The following PPP3CA variants were observed in gnomAD, a reference collection of about 807,000 sequenced individuals.
PPP3CA encodes protein phosphatase 3 catalytic subunit alpha, also known as CAM-PRP catalytic subunit.
In PPP3CA, 14 loss-of-function variants were observed where a neutral mutation model predicts 66.5. The observed-to-expected ratio is 0.21, with a 90% CI of 0.14 to 0.33. The LOEUF (loss-of-function observed/expected upper bound fraction) is 0.33. Ranked by LOEUF, PPP3CA falls within the 10% of genes least tolerant of loss-of-function variation. PPP3CA has a pLI of 1.00. For synonymous variants in PPP3CA, 232 were observed against 226.2 expected (o/e 1.03, Z -0.23); for missense variants, 317 against 639.5 (o/e 0.50, Z 5.44).
chr4:101,106,450 A>AAAGAAAGAAAGAAAGAAAGAAGAG lies in PPP3CA; in HGVS notation c.384+2503_384+2504insCTCTTCTTTCTTTCTTTCTTTCTT, dbSNP rs751759518. 8.1e-4 allele frequency among the ~76,000 whole-genome samples: 9 copies of AAAGAAAGAAAGAAAGAAAGAAGAG among 11,094 alleles called. 1 individual carries two copies. Among genetic ancestry groups the AAAGAAAGAAAGAAAGAAAGAAGAG allele is most frequent in the Admixed American group, 3.4e-3 (3 of 886 alleles). The allele number at this position is 11,094 out of a possible 152,430, so 7.3% of individuals were successfully genotyped here. ...GAAAGAAAGAAAGAAAGAAAGAAAGAAAGAGAAAAGAAAAGAAAAGAAAAG... is the reference window on the plus strand; with the variant it reads ...GAAAGAAAGAAAGAAAGAAAGAAAGAAAGAAAGAAAGAAAGAAAGAAGAGAAGAGAAAAGAAAAGAAAAGAAAAG... On this transcript the variant is annotated intron_variant, in intron 3 of 13. Coordinates refer to ENST00000394854, the MANE Select transcript of PPP3CA (RefSeq NM_000944.5).
At chr4:101,307,280 A>C (rs967262314) in intron 1 of PPP3CA, among the ~76,000 whole-genome samples, 7 of 151,912 alleles carry the variant, frequency 4.6e-5, no homozygotes, top group African/African-American at 1.7e-4. Flanking sequence ...CCCTAGCTCC[A>C]CTTGTGATTA....
chr4:101,109,897 C>G (rs886937622), intron 2 of PPP3CA, among the ~76,000 whole-genome samples: 1 of 151,984 alleles, frequency 6.6e-6, no homozygotes. Context: ...ACTTTCAGAA[C>G]TCTAAAAATA....
chr4:101,334,858 G>A (rs1330891425), intron 1 of PPP3CA, among the ~76,000 whole-genome samples: 2 of 151,958 alleles, frequency 1.3e-5, no homozygotes, highest in East Asian at 3.9e-4. Context: ...GAAACACTAG[G>A]ATAAACAAAT....
intron 1 of PPP3CA, among the ~76,000 whole-genome samples, chr4:101,310,360 G>T (rs1267280626): frequency 6.6e-6 from 1 of 152,094 alleles, no homozygotes; most frequent in Non-Finnish European, 1.5e-5. Context: ...AGTGATACTT[G>T]TATCTTGCAA....
At chr4:101,092,310 AT>A (rs1729988871) in intron 6 of PPP3CA, among the ~76,000 whole-genome samples, 1 of 152,208 alleles carries the variant, frequency 6.6e-6, no homozygotes, top group African/African-American at 2.4e-5. Flanking sequence ...GAATTAAATG[AT>A]TGATTTAACC....
intron 1 of PPP3CA, among the ~76,000 whole-genome samples, chr4:101,325,242 A>G (rs1729174126): frequency 1.3e-5 from 2 of 152,228 alleles, no homozygotes; most frequent in African/African-American, 4.8e-5. Flanking sequence ...ACTTTAATAT[A>G]CATATAAATC....
At chr4:101,291,972 A>T (rs1359480299) in intron 1 of PPP3CA, among the ~76,000 whole-genome samples, 1 of 152,058 alleles carries the variant, frequency 6.6e-6, no homozygotes, top group Non-Finnish European at 1.5e-5. Context: ...TTACAAAAAT[A>T]AAAAATTAAC....
chr4:101,205,769 A>G (rs917995911), intron 1 of PPP3CA, among the ~76,000 whole-genome samples: 3 of 152,226 alleles, frequency 2.0e-5, no homozygotes, highest in African/African-American at 7.2e-5. Flanking sequence ...AATGGCAAAC[A>G]TATGTCCCAA....
At chr4:101,068,527 C>G (rs1728778109) in intron 8 of PPP3CA, among the ~76,000 whole-genome samples, 1 of 151,960 alleles carries the variant, frequency 6.6e-6, no homozygotes, top group Non-Finnish European at 1.5e-5. Flanking sequence ...TCTGTATTTT[C>G]TCATAAAGAT....
Position 101,196,051 on chromosome 4 carries a change from G to A in PPP3CA, c.124C>T (p.Arg42Cys), listed in dbSNP as rs767812589. 4 of 1,613,868 alleles carry A rather than the reference G, an allele frequency of 2.5e-6. No individual in the cohort carries two copies. Among genetic ancestry groups the A allele is most frequent in the Admixed American group, 1.7e-5 (1 of 59,958 alleles). ...KEVFDNDGKPRVDILKAHLMK... is the reference protein window; with the variant it reads ...KEVFDNDGKPCVDILKAHLMK... ...AGATGCGCCTTTAAGATATCCACAC[G>A]AGGTTTTCCATCATTATCAAACACT... The change falls in exon 2 of 14, where the codon CGT becomes TGT. Residue 42 changes from arginine (R) to cysteine (C), a missense_variant. Physicochemically the swap from Arg to Cys is radical, Grantham distance 180. Coordinates refer to ENST00000394854, the MANE Select transcript of PPP3CA (RefSeq NM_000944.5).
chr4:101,300,638 A>C (rs1271840514), intron 1 of PPP3CA, among the ~76,000 whole-genome samples: 1 of 152,106 alleles, frequency 6.6e-6, no homozygotes, highest in Non-Finnish European at 1.5e-5. Flanking sequence ...CTACTAAAAA[A>C]TAGAAAAAAA....
intron 2 of PPP3CA, among the ~76,000 whole-genome samples, chr4:101,145,996 T>C (rs538449205): frequency 5.8e-4 from 88 of 152,286 alleles, no homozygotes; most frequent in African/African-American, 2.1e-3. Flanking sequence ...CAAAAAACCA[T>C]TGATTCACAG....
At chr4:101,298,610 G>A (rs1728269607) in intron 1 of PPP3CA, among the ~76,000 whole-genome samples, 1 of 151,964 alleles carries the variant, frequency 6.6e-6, no homozygotes, top group Admixed American at 6.6e-5. Flanking sequence ...CTTCCTTAAT[G>A]ATTTTCTTCG....
intron 1 of PPP3CA, among the ~76,000 whole-genome samples, chr4:101,221,946 A>C (rs1003155185): frequency 1.3e-5 from 2 of 151,564 alleles, no homozygotes; most frequent in Non-Finnish European, 3.0e-5. Flanking sequence ...ACCCAAACAC[A>C]CTTAAAAATA....
chr4:101,315,896 G>C (rs1417051259), intron 1 of PPP3CA, among the ~76,000 whole-genome samples: 1 of 152,090 alleles, frequency 6.6e-6, no homozygotes, highest in Non-Finnish European at 1.5e-5. Context: ...AAAAACCATG[G>C]TTTCGGACTG....
chr4:101,228,865 A>G (rs1020844121), intron 1 of PPP3CA, among the ~76,000 whole-genome samples: 7 of 151,702 alleles, frequency 4.6e-5, no homozygotes, highest in African/African-American at 1.7e-4. Context: ...CTCTACAAAG[A>G]TAACCTCCAC....
Position 101,273,022 on chromosome 4 carries a change from T to C in PPP3CA, c.58+73717A>G, listed in dbSNP as rs77062905. ...AAAGAACATTCTCCAGATTGACTTT[T>C]GGTCATTTGAAGTACTATAAGACCT... On this transcript the variant is annotated intron_variant, in intron 1 of 13. Transcript: ENST00000394854. Among the ~76,000 whole-genome samples the C allele has an allele frequency of 1.5e-3, 231 of 152,350 alleles. 1 individual carries two copies. In the East Asian group the frequency reaches 0.041, roughly 27 times the overall value.
intron 2 of PPP3CA, among the ~76,000 whole-genome samples, chr4:101,190,450 C>T (rs147577797): frequency 7.4e-4 from 113 of 152,208 alleles, no homozygotes; most frequent in African/African-American, 2.6e-3. Flanking sequence ...ATTCATGTAA[C>T]CATGACGTAA....
At chr4:101,330,074 A>C (rs1280216262) in intron 1 of PPP3CA, among the ~76,000 whole-genome samples, 1 of 152,142 alleles carries the variant, frequency 6.6e-6, no homozygotes, top group African/African-American at 2.4e-5. Context: ...AGTACATTGA[A>C]AACCTTCTGG....
Sources: gnomAD v4.1 joint callset for allele counts (sites outside exome capture counted in the v4.1 genomes callset) on GRCh38, gnomAD v4.1.1 for gene constraint, MANE v1.5 for transcripts, NCBI Gene and HGNC (gene_info 2026-07-23, HGNC 2026-07-21) for gene names.